Variants in KIFAP3 observed in about 807,000 individuals in gnomAD.
KIFAP3 encodes the protein kinesin-associated protein 3.
KIFAP3 carries 68 observed loss-of-function variants against 106.5 expected under a neutral mutation model. The ratio of observed to expected loss-of-function variants is 0.64; its 90% CI spans 0.53 to 0.78. KIFAP3 has a LOEUF of 0.78. Among genes scored for constraint, KIFAP3 ranks in the 30% least tolerant of loss-of-function variants. KIFAP3 has a pLI of 0.00. For synonymous variants in KIFAP3, 320 were observed against 311.5 expected (o/e 1.03, Z -0.29); for missense variants, 780 against 941.8 (o/e 0.83, Z 2.25).
chr1:170,018,636 TCTA>T (rs895791446), intron 9 of KIFAP3, among the ~76,000 whole-genome samples: 4 of 147,132 alleles, frequency 2.7e-5, no homozygotes, highest in African/African-American at 7.4e-5. Flanking sequence ...TTAATCTTGC[TCTA>T]CTTTTTCTTT....
intron 2 of KIFAP3, among the ~76,000 whole-genome samples, chr1:170,051,432 C>T: frequency 6.6e-6 from 1 of 152,166 alleles, no homozygotes; most frequent in East Asian, 1.9e-4. Context: ...TTAGGCAGAT[C>T]AATGAGACAG....
At chr1:170,075,902 T>C (rs977868148), upstream of KIFAP3, among the ~76,000 whole-genome samples, 10 of 152,354 alleles carry the variant, frequency 6.6e-5, no homozygotes, top group East Asian at 1.9e-3. Context: ...TCCTTCCTCA[T>C]TGGACTTCCT....
chr1:169,978,228 T>A, intron 15 of KIFAP3, 45 bp from the exon 16 acceptor site: 1 of 1,238,740 alleles, frequency 8.1e-7, no homozygotes, highest in South Asian at 1.2e-5. Flanking sequence ...TATGTTTATA[T>A]ACCAAATTTA....
intron 19 of KIFAP3, among the ~76,000 whole-genome samples, chr1:169,951,273 CAA>C (rs1664716374): frequency 6.6e-6 from 1 of 151,896 alleles, no homozygotes; most frequent in Non-Finnish European, 1.5e-5. Flanking sequence ...TTACAAAAGA[CAA>C]GAGATGAAAG....
At chr1:170,004,987 C>A (rs1325522018) in intron 10 of KIFAP3, among the ~76,000 whole-genome samples, 3 of 152,082 alleles carry the variant, frequency 2.0e-5, no homozygotes, top group Admixed American at 2.0e-4. Context: ...CCAGAATCTA[C>A]AATGAACCCA....
At chr1:170,022,290 T>A (rs545815199) in intron 9 of KIFAP3, among the ~76,000 whole-genome samples, 15 of 152,258 alleles carry the variant, frequency 9.9e-5, no homozygotes, top group Middle Eastern at 3.4e-3. Flanking sequence ...TATTAGTATT[T>A]TTATTAAACA....
chr1:170,063,474 C>A (rs1380685516), intron 1 of KIFAP3, among the ~76,000 whole-genome samples: 1 of 152,118 alleles, frequency 6.6e-6, no homozygotes, highest in African/African-American at 2.4e-5. Context: ...ATTTCCTAGC[C>A]CTCTGCCCTC....
At chr1:170,019,650 T>C (rs1385855436) in intron 9 of KIFAP3, among the ~76,000 whole-genome samples, 1 of 152,094 alleles carries the variant, frequency 6.6e-6, no homozygotes, top group Admixed American at 6.6e-5. Context: ...CCATTCATGA[T>C]AAAAAGTCTC....
intron 19 of KIFAP3, among the ~76,000 whole-genome samples, chr1:169,946,313 C>G (rs1664436743): frequency 6.6e-6 from 1 of 152,132 alleles, no homozygotes; most frequent in South Asian, 2.1e-4. Context: ...AAACCCTTAG[C>G]TGCTTGCTTC....
At chr1:170,004,058 C>T (rs1265325967) in intron 10 of KIFAP3, among the ~76,000 whole-genome samples, 1 of 152,174 alleles carries the variant, frequency 6.6e-6, no homozygotes, top group Non-Finnish European at 1.5e-5. Context: ...CATTCTTATA[C>T]ACCAATAACA....
chr1:169,932,142 T>C (rs1663521642), intron 19 of KIFAP3, among the ~76,000 whole-genome samples: 1 of 152,168 alleles, frequency 6.6e-6, no homozygotes, highest in Non-Finnish European at 1.5e-5. Flanking sequence ...TAGTGTGATC[T>C]GTAACCTTCC....
chr1:170,080,397 TA>T (rs997823235), intron 1 of KIFAP3, among the ~76,000 whole-genome samples: 1 of 152,102 alleles, frequency 6.6e-6, no homozygotes, highest in African/African-American at 2.4e-5. Context: ...AATTTTTTTT[TA>T]CAAATTGACA....
intron 10 of KIFAP3, among the ~76,000 whole-genome samples, chr1:170,001,827 A>G (rs1392593489): frequency 6.6e-6 from 1 of 152,198 alleles, no homozygotes; most frequent in Admixed American, 6.5e-5. Context: ...ACCATTTCCA[A>G]ACAGTTTTTA....
intron 3 of KIFAP3, among the ~76,000 whole-genome samples, chr1:170,042,180 T>A (rs1042972586): frequency 3.3e-5 from 5 of 152,238 alleles, no homozygotes; most frequent in Admixed American, 2.0e-4. Flanking sequence ...CGGGAAATAC[T>A]AACTTAATCC....
At chr1:169,981,815 A>G (rs1393597100) in intron 15 of KIFAP3, among the ~76,000 whole-genome samples, 157 bp downstream of exon 15, 3 of 152,226 alleles carry the variant, frequency 2.0e-5, no homozygotes, top group Non-Finnish European at 4.4e-5. Flanking sequence ...AATCCCAGTT[A>G]GCAGTATATT....
intron 1 of KIFAP3, chr1:170,068,080 T>C (rs889385882): frequency 2.6e-5 from 4 of 152,176 alleles, no homozygotes; most frequent in African/African-American, 9.7e-5. Flanking sequence ...CCTACAAAGA[T>C]CTGAAGAGTA....
chr1:169,930,743 T>C (rs1663416690), intron 19 of KIFAP3, among the ~76,000 whole-genome samples: 1 of 152,140 alleles, frequency 6.6e-6, no homozygotes, highest in African/African-American at 2.4e-5. Context: ...AATATTCCGG[T>C]TGGTGTTTTT....
chr1:169,950,811 C>G (rs752878223), intron 19 of KIFAP3, among the ~76,000 whole-genome samples: 18 of 151,866 alleles, frequency 1.2e-4, no homozygotes, highest in Non-Finnish European at 2.2e-4. Flanking sequence ...TTAAATTCAC[C>G]TATAGGATAT....
chr1:170,024,738 G>T, intron 8 of KIFAP3, 142 bp from the exon 9 acceptor site: 1 of 464,632 alleles, frequency 2.2e-6, no homozygotes, highest in Non-Finnish European at 3.7e-6. Context: ...GTTAATAATT[G>T]GTTAATTAAA....
Sources: allele counts gnomAD v4.1 joint callset (sites outside exome capture counted in the v4.1 genomes callset), GRCh38; gene constraint gnomAD v4.1.1; transcripts MANE v1.5; gene names NCBI Gene and HGNC (gene_info 2026-07-23, HGNC 2026-07-21).